Variants in SOX5 observed in about 807,000 individuals in gnomAD.
SOX5 encodes SRY-box transcription factor 5, also known as transcription factor SOX-5.
Under a neutral mutation model 92.0 loss-of-function variants are expected in SOX5, and 9 were observed. The observed-to-expected ratio is 0.10, with a 90% CI of 0.06 to 0.17. The LOEUF is 0.17. SOX5 is among the 10% of genes least tolerant of loss of function. The pLI, the probability that SOX5 is intolerant of heterozygous loss-of-function variation, is 1.00. For missense variants in SOX5, 642 were observed against 944.5 expected (o/e 0.68, Z 4.20); for synonymous variants, 344 against 336.3 (o/e 1.02, Z -0.25).
Position 24,226,247 on chromosome 12 carries a change from A to T in SOX5, c.-76-12830T>A, listed in dbSNP as rs530201122. 5.4e-4 allele frequency among the ~76,000 whole-genome samples: 82 copies of T among 152,186 alleles called. 1 individual carries two copies. In the South Asian group the frequency reaches 0.017, roughly 31 times the overall value. ...ATCCCCATCCCTTTTATTCATTCAC[A>T]CCCACACAATATACATTATTATTTT... On this transcript the variant is annotated intron_variant, in intron 3 of 4. Coordinates refer to the SOX5 transcript ENST00000446891.
intron 3 of SOX5, among the ~76,000 whole-genome samples, chr12:24,273,584 C>T (rs1944045452): frequency 6.6e-6 from 1 of 152,186 alleles, no homozygotes; most frequent in Non-Finnish European, 1.5e-5. Context: ...TGCATTTTAG[C>T]TCAGTCTCAT....
chr12:23,749,552 C>T (rs764714242), intron 4 of SOX5, among the ~76,000 whole-genome samples: 1 of 151,728 alleles, frequency 6.6e-6, no homozygotes, highest in Non-Finnish European at 1.5e-5. Flanking sequence ...ACCACTGTTG[C>T]CCCACGGTAG....
At chr12:23,864,399 G>T (rs2096789565) in intron 2 of SOX5, among the ~76,000 whole-genome samples, 1 of 152,100 alleles carries the variant, frequency 6.6e-6, no homozygotes, top group South Asian at 2.1e-4. Context: ...TCAAAAGCTA[G>T]AAATTATTAT....
chr12:23,779,788 A>AAAATATAT (rs1275825978), intron 3 of SOX5, among the ~76,000 whole-genome samples: 1 of 110,528 alleles, frequency 9.0e-6, no homozygotes, highest in South Asian at 3.6e-4. Flanking sequence ...CACAGATTAA[A>AAAATATAT]ATATATATAT....
At position 24,191,861 on chromosome 12, in the gene SOX5, G is replaced by A. The variant is rs1330131567; in HGVS notation, c.-2+21482C>T. 2.0e-5 allele frequency among the ~76,000 whole-genome samples: 3 copies of A among 152,178 alleles called. No homozygotes were observed. In the South Asian group the frequency reaches 6.2e-4, roughly 31 times the overall value. On this transcript the variant is annotated intron_variant, in intron 4 of 4. Transcript: ENST00000446891. ...CCAGTATTGGGAAGAGAACATTTCA[G>A]AGGCAGTGATACTGCTCTGGGGAAG...
At chr12:23,567,464 ATTT>A (rs35620007) in intron 10 of SOX5, among the ~76,000 whole-genome samples, 11 of 119,130 alleles carry the variant, frequency 9.2e-5, no homozygotes, top group East Asian at 2.5e-4. Context: ...ATTTGATTTG[ATTT>A]TTTTTTTTTT....
chr12:23,892,659 C>T (rs1276365953), intron 2 of SOX5, among the ~76,000 whole-genome samples: 2 of 152,068 alleles, frequency 1.3e-5, no homozygotes, highest in Non-Finnish European at 2.9e-5. Context: ...AAAAAAACAG[C>T]TGGAATCAAG....
chr12:23,706,046 G>A (rs992007984), intron 6 of SOX5, among the ~76,000 whole-genome samples: 3 of 147,030 alleles, frequency 2.0e-5, no homozygotes, highest in African/African-American at 8.1e-5. Context: ...ATTGCTTTAA[G>A]TGAGATTAAT....
chr12:24,359,033 A>G (rs1955199648), intron 2 of SOX5, among the ~76,000 whole-genome samples: 1 of 152,188 alleles, frequency 6.6e-6, no homozygotes, highest in African/African-American at 2.4e-5. Flanking sequence ...CAAGTCCACC[A>G]TGCTTTGAAC....
chr12:24,155,270 G>A (rs112213854), intron 4 of SOX5, among the ~76,000 whole-genome samples: 3,188 of 151,974 alleles, frequency 0.021, 56 homozygotes, highest in Non-Finnish European at 0.031. Context: ...TGGTAGTAGG[G>A]GGAATAGAAA....
At chr12:24,397,939 T>G (rs1050523790) in intron 1 of SOX5, among the ~76,000 whole-genome samples, 4 of 152,028 alleles carry the variant, frequency 2.6e-5, no homozygotes, top group African/African-American at 9.7e-5. Context: ...AAGCTCCGAC[T>G]CCCGGGTTCA....
At chr12:23,842,443 C>A (rs2096530132) in intron 3 of SOX5, among the ~76,000 whole-genome samples, 1 of 152,028 alleles carries the variant, frequency 6.6e-6, no homozygotes, top group African/African-American at 2.4e-5. Flanking sequence ...TAGGTTAGTA[C>A]ACACACATGT....
At chr12:23,857,924 G>T (rs2096712050) in intron 2 of SOX5, among the ~76,000 whole-genome samples, 1 of 152,110 alleles carries the variant, frequency 6.6e-6, no homozygotes, top group African/African-American at 2.4e-5. Flanking sequence ...AGTAGAGACG[G>T]GGTTTCGCCA....
intron 7 of SOX5, among the ~76,000 whole-genome samples, chr12:23,643,351 C>T (rs572178926): frequency 2.4e-4 from 37 of 152,076 alleles, no homozygotes; most frequent in Admixed American, 1.7e-3. Flanking sequence ...GGTGTTGTTG[C>T]GGGGAAGGAA....
intron 4 of SOX5, among the ~76,000 whole-genome samples, chr12:24,081,283 T>C (rs760011693): frequency 1.3e-5 from 2 of 152,034 alleles, no homozygotes; most frequent in Non-Finnish European, 2.9e-5. Flanking sequence ...TTTGATTTAC[T>C]CTCCAAGACT....
chr12:24,090,555 C>A (rs11047253), intron 4 of SOX5, among the ~76,000 whole-genome samples: 5,716 of 152,164 alleles, frequency 0.038, 136 homozygotes, highest in Non-Finnish European at 0.051. Context: ...GTCAAAGGAG[C>A]CTTCTCAACA....
intron 4 of SOX5, among the ~76,000 whole-genome samples, chr12:24,190,880 A>T (rs189098460): frequency 6.6e-6 from 1 of 152,240 alleles, no homozygotes; most frequent in Non-Finnish European, 1.5e-5. Context: ...CCAAGGGGAG[A>T]AAGTTTATAA....
chr12:23,923,746 C>G (rs1045933182), intron 1 of SOX5, among the ~76,000 whole-genome samples: 1 of 152,108 alleles, frequency 6.6e-6, no homozygotes, highest in African/African-American at 2.4e-5. Context: ...CTGAGTCACA[C>G]GAGATTCTTG....
chr12:23,773,612 T>C (rs937221728), intron 3 of SOX5, among the ~76,000 whole-genome samples: 1 of 152,058 alleles, frequency 6.6e-6, no homozygotes, highest in East Asian at 1.9e-4. Context: ...CCTCAAGTGA[T>C]CCGCCCGCCT....
Sources: allele counts gnomAD v4.1 joint callset (sites outside exome capture counted in the v4.1 genomes callset), GRCh38; gene constraint gnomAD v4.1.1; transcripts MANE v1.5; gene names NCBI Gene and HGNC (gene_info 2026-07-23, HGNC 2026-07-21).